Variants in PCGF3 observed in about 807,000 individuals in gnomAD.
PCGF3 encodes polycomb group ring finger 3, also known as polycomb group RING finger protein 3.
Under a neutral mutation model 33.1 loss-of-function variants are expected in PCGF3, and 7 were observed. The ratio of observed to expected loss-of-function variants is 0.21; its 90% confidence interval spans 0.12 to 0.40. The LOEUF (loss-of-function observed/expected upper bound fraction) is 0.40, where lower values mean the gene tolerates loss of function less well. Among genes scored for constraint, PCGF3 ranks in the 10% least tolerant of loss-of-function variants. The pLI, the probability that PCGF3 is intolerant of heterozygous loss-of-function variation, is 1.00. For synonymous variants in PCGF3, 153 were observed against 121.3 expected, an observed-to-expected ratio of 1.26 and a Z score of -1.72; for missense variants, 211 against 313.3, an observed-to-expected ratio of 0.67 and a Z score of 2.46.
intron 8 of PCGF3, among the ~76,000 whole-genome samples, chr4:753,686 G>A (rs529326274): frequency 8.5e-4 from 128 of 150,976 alleles, no homozygotes; most frequent in African/African-American, 2.9e-3. Flanking sequence ...GGTGGCTCAC[G>A]CCTGTAATCC....
At chr4:737,443 C>T (rs769846733) in intron 5 of PCGF3, 23 bp from the exon 6 acceptor site, 1 of 1,552,554 alleles carries the variant, frequency 6.4e-7, no homozygotes. Flanking sequence ...CCAGCTAACT[C>T]CACCTTTCTG....
intron 1 of PCGF3, among the ~76,000 whole-genome samples, chr4:714,658 T>G (rs1245915943): frequency 6.6e-6 from 1 of 152,102 alleles, no homozygotes; most frequent in Non-Finnish European, 1.5e-5. Context: ...AGGTCTTGTC[T>G]CCCTGTCCGT....
intron 1 of PCGF3, among the ~76,000 whole-genome samples, chr4:719,460 C>T (rs1175110621): frequency 1.3e-5 from 2 of 152,172 alleles, no homozygotes; most frequent in African/African-American, 4.8e-5. Context: ...ATGGTGGTGC[C>T]GGAGAGTGGT....
At chr4:768,941 T>G (rs543056816) in exon 11 of PCGF3, 3 of 152,718 alleles carry the variant, frequency 2.0e-5, no homozygotes, top group African/African-American at 7.2e-5. Context: ...AATGGTAATG[T>G]AGCATTTATT....
chr4:720,688 C>T lies in PCGF3; in HGVS notation c.-189-9942C>T, dbSNP rs1035963267. On this transcript the variant is annotated intron_variant, in intron 1 of 10. Coordinates refer to ENST00000362003, the Ensembl canonical transcript of PCGF3. This position sits in a 1 kb window ranked among gnomAD's most constrained non-coding sequence, Gnocchi z 5.6. The stretch of plus-strand genomic sequence containing the variant: ...TGCGTGTGGACCCGGGGTGGACGGG[C>T]GGTGACGTGCGTGTGGACCCGGCGT... 2.7e-5 allele frequency among the ~76,000 whole-genome samples: 4 copies of T among 146,564 alleles called. No individual in the cohort carries two copies. Among genetic ancestry groups the T allele is most frequent in the African/African-American group, 7.7e-5 (3 of 39,024 alleles).
At chr4:734,849 G>A (rs192521289) in intron 4 of PCGF3, 82 bp from the exon 5 acceptor site, 338 of 1,527,970 alleles carry the variant, frequency 2.2e-4, no homozygotes, top group Admixed American at 7.3e-4. Context: ...GCTCAGAGAC[G>A]CCCGTGTTCA....
At chr4:729,467 A>G (rs1355352030) in intron 1 of PCGF3, among the ~76,000 whole-genome samples, 1 of 152,198 alleles carries the variant, frequency 6.6e-6, no homozygotes, top group Non-Finnish European at 1.5e-5. Context: ...CAGTCCCACA[A>G]GCCACAGTTC....
At chr4:761,592 T>C in intron 9 of PCGF3, 176 bp downstream of exon 9, 1 of 935,164 alleles carries the variant, frequency 1.1e-6, no homozygotes, top group African/African-American at 1.8e-5. Flanking sequence ...CCCTAAGGGT[T>C]GTAGGATGCC....
chr4:717,462 C>T (rs575698381), intron 1 of PCGF3, among the ~76,000 whole-genome samples: 3 of 152,274 alleles, frequency 2.0e-5, no homozygotes, highest in South Asian at 2.1e-4. Flanking sequence ...TCACTGTAAC[C>T]TCCACTTCCT....
chr4:732,159 A>G (rs5024302), intron 3 of PCGF3, among the ~76,000 whole-genome samples: 37,898 of 51,186 alleles, frequency 0.74, 14,681 homozygotes, highest in African/African-American at 0.86. Flanking sequence ...TCCCCTCGTG[A>G]GTGGGCGTGG....
intron 1 of PCGF3, among the ~76,000 whole-genome samples, chr4:727,177 G>A (rs1272993204): frequency 6.7e-6 from 1 of 149,700 alleles, no homozygotes; most frequent in East Asian, 2.0e-4. Flanking sequence ...TAGGAAAAGG[G>A]CTGCTTTGAA....
chr4:725,882 T>A (rs1388394677), intron 1 of PCGF3, among the ~76,000 whole-genome samples: 3 of 152,150 alleles, frequency 2.0e-5, no homozygotes, highest in Non-Finnish European at 4.4e-5. Context: ...CCGCCTCAGT[T>A]TCCCCAGCTG....
intron 8 of PCGF3, among the ~76,000 whole-genome samples, chr4:755,441 G>A (rs1449935415): frequency 6.6e-6 from 1 of 152,138 alleles, no homozygotes; most frequent in Non-Finnish European, 1.5e-5. Flanking sequence ...GTGAGCTGCA[G>A]GGCTACCTCC....
At chr4:748,275 C>CCTCA (rs1242656422) in intron 8 of PCGF3, among the ~76,000 whole-genome samples, 1 of 151,918 alleles carries the variant, frequency 6.6e-6, no homozygotes. Context: ...TCCCGGCTCA[C>CCTCA]TGCAGCCTCT....
chr4:735,083 CTGTG>C, intron 5 of PCGF3, 56 bp downstream of exon 5: 1 of 1,563,494 alleles, frequency 6.4e-7, no homozygotes, highest in South Asian at 1.2e-5. Flanking sequence ...CTGGGCGTCT[CTGTG>C]TGTGGGCCTT....
intron 6 of PCGF3, among the ~76,000 whole-genome samples, chr4:740,522 G>GT (rs1385617126): frequency 6.6e-6 from 1 of 152,010 alleles, no homozygotes; most frequent in Non-Finnish European, 1.5e-5. Flanking sequence ...TCCGTTCCTG[G>GT]TGAGGGCTGT....
At chr4:761,929 C>T (rs754859674) in intron 9 of PCGF3, 98 of 985,376 alleles carry the variant, frequency 9.9e-5, no homozygotes, top group Admixed American at 9.2e-4. Context: ...AGACAGAAGG[C>T]GCTGGCGGCT....
At chr4:769,722 T>C (rs1745542010) in exon 11 of PCGF3, 1 of 152,666 alleles carries the variant, frequency 6.6e-6, no homozygotes, top group Admixed American at 6.5e-5. Context: ...GAGATGTGCG[T>C]AGCCTCCGTG....
chr4:744,384 C>T (rs1009710231), intron 7 of PCGF3, among the ~76,000 whole-genome samples: 39 of 152,240 alleles, frequency 2.6e-4, no homozygotes, highest in Non-Finnish European at 7.3e-5. Flanking sequence ...GTGCTCCCCA[C>T]GCCTGCACCC....
Sources: allele counts gnomAD v4.1 joint callset (sites outside exome capture counted in the v4.1 genomes callset), GRCh38; gene constraint gnomAD v4.1.1; non-coding constraint Gnocchi (gnomAD v3.1); transcripts MANE v1.5; gene names NCBI Gene and HGNC (gene_info 2026-07-23, HGNC 2026-07-21).